ABCA4: variants seen among roughly 807,000 people sequenced by gnomAD.
The protein encoded by ABCA4 is retinal-specific phospholipid-transporting ATPase ABCA4.
ABCA4 carries 196 observed loss-of-function variants against 263.7 expected under a neutral mutation model. That is an observed-to-expected ratio of 0.74 (90% CI 0.66 to 0.84). The LOEUF is 0.84. Among genes scored for constraint, ABCA4 ranks in the 40% least tolerant of loss-of-function variants. The pLI is 0.00. For synonymous variants in ABCA4, 1,133 were observed against 1,094.2 expected (o/e 1.04, Z -0.70); for missense variants, 2,792 against 2,855.1 (o/e 0.98, Z 0.50).
In ABCA4 at chr1:94,047,045, A is replaced by G. The variant is rs573904763; in HGVS notation, c.2792T>C (p.Val931Ala). 4.3e-6 allele frequency: 7 copies of G among 1,614,180 alleles called. No individual in the cohort carries two copies. The East Asian group carries it at 1.3e-4, about 31-fold the overall frequency. Residue 931 changes from valine to alanine, a missense_variant, in exon 19 of 50, where the codon GTG becomes GCG. Physicochemically the swap from Val to Ala is moderately conservative, Grantham distance 64. Coordinates refer to ENST00000370225, the MANE Select transcript of ABCA4 (RefSeq NM_000350.3). ...CTCAAAAATCTTTACCAGATTCTTC[A>G]CGCATACCCCAGGAACCCACCCTGG... ...EHPGWVPGVC[V>A]KNLVKIFEPC...
Position 93,992,939 on chromosome 1 carries a change from A to C in ABCA4, c.*298T>G. 1 of 490,366 alleles carries C rather than the reference A, an allele frequency of 2.0e-6. No individual in the cohort carries two copies. Among genetic ancestry groups the C allele is most frequent in the Admixed American group, 3.3e-5 (1 of 30,126 alleles). 30.4% of individuals were successfully genotyped at this position (490,366 alleles called of 1,614,324 possible). A position where few individuals can be genotyped will look rare whatever the true frequency, so the allele number is the denominator to read the frequency against. On this transcript the variant is annotated 3_prime_UTR_variant, in exon 50 of 50. Coordinates refer to ENST00000370225, the MANE Select transcript of ABCA4 (RefSeq NM_000350.3). ...AAGCAGATCTGCTTGAAATGAGAGC[A>C]ATATGGAGGCCAAAGCTGCTAGTGG...
intron 18 of ABCA4, among the ~76,000 whole-genome samples, chr1:94,048,159 A>T (rs1414718043): frequency 6.6e-6 from 1 of 152,172 alleles, no homozygotes; most frequent in Non-Finnish European, 1.5e-5. Context: ...GGCTGGAGGG[A>T]TAAAGGCCAG....
chr1:94,068,419 G>C (rs1661326237), intron 11 of ABCA4, among the ~76,000 whole-genome samples: 1 of 152,220 alleles, frequency 6.6e-6, no homozygotes, highest in Non-Finnish European at 1.5e-5. Flanking sequence ...CATTCTCATG[G>C]GGAAGCCACC....
chr1:94,074,804 G>T (rs1048407886), intron 11 of ABCA4, among the ~76,000 whole-genome samples: 3 of 152,194 alleles, frequency 2.0e-5, no homozygotes, highest in Non-Finnish European at 4.4e-5. Context: ...AATACAATTT[G>T]ACCAGGCAAT....
chr1:94,042,582 G>T (rs1461559383), intron 22 of ABCA4, among the ~76,000 whole-genome samples, 179 bp downstream of exon 22: 1 of 152,146 alleles, frequency 6.6e-6, no homozygotes, highest in Non-Finnish European at 1.5e-5. Flanking sequence ...GTTTATATTT[G>T]TAAAAACCTC....
intron 47 of ABCA4, among the ~76,000 whole-genome samples, chr1:94,000,188 T>C (rs767102622): frequency 1.3e-5 from 2 of 152,238 alleles, no homozygotes; most frequent in Non-Finnish European, 2.9e-5. Context: ...TGAGTAATTG[T>C]AACTCTGCTC....
intron 24 of ABCA4, among the ~76,000 whole-genome samples, chr1:94,037,931 T>A (rs1660387476): frequency 6.6e-6 from 1 of 152,188 alleles, no homozygotes; most frequent in African/African-American, 2.4e-5. Context: ...GTCAAAGTTG[T>A]TTTCATTTTT....
chr1:94,063,379 C>T, intron 11 of ABCA4, 62 bp from the exon 12 acceptor site: 6 of 1,497,536 alleles, frequency 4.0e-6, no homozygotes, highest in Non-Finnish European at 5.6e-6. Flanking sequence ...CTCAACTCTA[C>T]ACACAGAAAG....
At chr1:94,015,929 G>C in intron 36 of ABCA4, 75 bp from the exon 37 acceptor site, 1 of 1,272,100 alleles carries the variant, frequency 7.9e-7, no homozygotes, top group Non-Finnish European at 1.1e-6. Context: ...GAGGGGTGGG[G>C]CCAGGCTCCT....
intron 2 of ABCA4, among the ~76,000 whole-genome samples, chr1:94,112,393 G>T (rs1328110165): frequency 1.3e-5 from 2 of 152,142 alleles, no homozygotes; most frequent in African/African-American, 2.4e-5. Flanking sequence ...TAAAACGAGA[G>T]AGTTTAGGTA....
chr1:94,080,202 C>T (rs1661652330), intron 8 of ABCA4, among the ~76,000 whole-genome samples: 1 of 152,312 alleles, frequency 6.6e-6, no homozygotes, highest in Middle Eastern at 3.4e-3. Flanking sequence ...TCCTCTTGAA[C>T]TTAGCCCTAG....
At chr1:94,098,687 G>A in intron 6 of ABCA4, 107 bp downstream of exon 6, 1 of 1,322,646 alleles carries the variant, frequency 7.6e-7, no homozygotes, top group South Asian at 1.2e-5. Flanking sequence ...GCTTTTGCAA[G>A]GATTGTCCAG....
intron 17 of ABCA4, among the ~76,000 whole-genome samples, chr1:94,049,481 G>A (rs576109171): frequency 6.6e-5 from 10 of 152,094 alleles, no homozygotes; most frequent in South Asian, 2.1e-4. Flanking sequence ...AAAATTAGCC[G>A]GGTGGGGTGG....
intron 36 of ABCA4, among the ~76,000 whole-genome samples, chr1:94,017,142 A>G (rs1041459568): frequency 6.6e-6 from 1 of 152,254 alleles, no homozygotes; most frequent in Non-Finnish European, 1.5e-5. Context: ...GGAAAATTGT[A>G]TAATGAATAG....
At chr1:94,006,105 A>G (rs1659377299) in intron 43 of ABCA4, among the ~76,000 whole-genome samples, 1 of 152,218 alleles carries the variant, frequency 6.6e-6, no homozygotes, top group Non-Finnish European at 1.5e-5. Context: ...TTTGGCTAAT[A>G]TATTCACCCC....
rs757958153 is a variant in ABCA4, at chr1:94,041,410, G to T, written c.3329-8C>A. 2 of 1,613,256 alleles carry T rather than the reference G, an allele frequency of 1.2e-6. No individual in the cohort carries two copies. The highest frequency in any genetic ancestry group is 1.7e-6 in the Non-Finnish European group (2 of 1,180,018). ...ACATGATGATGGTTCTGCCTGCAAG[G>T]TAGGGGCCAGGGCAATCACCAGGCC... On this transcript the variant is annotated splice_polypyrimidine_tract_variant and splice_region_variant and intron_variant, in intron 22 of 49. Transcript: ENST00000370225.
intron 34 of ABCA4, 32 bp from the exon 35 acceptor site, chr1:94,021,441 C>T (rs781731848): frequency 1.2e-6 from 2 of 1,613,720 alleles, no homozygotes; most frequent in East Asian, 2.2e-5. Context: ...TGAGACGCTG[C>T]ACTAACAGCT....
At chr1:94,057,872 T>G (rs532785175) in intron 14 of ABCA4, among the ~76,000 whole-genome samples, 10 of 152,312 alleles carry the variant, frequency 6.6e-5, no homozygotes, top group African/African-American at 2.2e-4. Flanking sequence ...AACACGTAAA[T>G]GAGTACATAG....
chr1:94,035,485 G>T (rs1660312231), intron 26 of ABCA4, among the ~76,000 whole-genome samples: 1 of 152,144 alleles, frequency 6.6e-6, no homozygotes, highest in Non-Finnish European at 1.5e-5. Flanking sequence ...TGGTATATGT[G>T]TCCATTGGTA....
Sources: allele counts gnomAD v4.1 joint callset (sites outside exome capture counted in the v4.1 genomes callset), GRCh38; gene constraint gnomAD v4.1.1; transcripts MANE v1.5; gene names NCBI Gene and HGNC (gene_info 2026-07-23, HGNC 2026-07-21).